Variants in VDR observed in about 807,000 individuals in gnomAD.
VDR encodes vitamin D receptor, also known as vitamin D3 receptor.
VDR carries 19 observed loss-of-function variants against 39.7 expected under a neutral mutation model. That is an observed-to-expected ratio of 0.48 (90% CI 0.33 to 0.70). VDR has a LOEUF of 0.70. Ranked by LOEUF, VDR falls within the 30% of genes least tolerant of loss-of-function variation. The pLI is 0.02. For synonymous variants in VDR, 242 were observed against 215.8 expected (o/e 1.12, Z -1.07); for missense variants, 442 against 570.5 (o/e 0.77, Z 2.29).
chr12:47,893,837 A>G (rs1027853143), intron 1 of VDR, among the ~76,000 whole-genome samples: 3 of 152,266 alleles, frequency 2.0e-5, no homozygotes, highest in African/African-American at 7.2e-5. Flanking sequence ...AGATAGGCAC[A>G]TGCCAGTCCA....
At chr12:47,903,964 C>T (rs1946616131) in intron 1 of VDR, among the ~76,000 whole-genome samples, 1 of 152,124 alleles carries the variant, frequency 6.6e-6, no homozygotes, top group African/African-American at 2.4e-5. Context: ...CAGAGCTGAA[C>T]TCTGCCCAGG....
intron 3 of VDR, among the ~76,000 whole-genome samples, chr12:47,869,377 A>G (rs1188595513): frequency 1.3e-5 from 2 of 151,944 alleles, no homozygotes; most frequent in Admixed American, 6.6e-5. Context: ...TCTACTAAAA[A>G]TGCAAAACAT....
chr12:47,847,075 TG>T (rs2137123794), intron 7 of VDR, among the ~76,000 whole-genome samples: 1 of 152,236 alleles, frequency 6.6e-6, no homozygotes, highest in African/African-American at 2.4e-5. Flanking sequence ...GCCAGAGCTA[TG>T]GGGCACAGGA....
At chr12:47,871,919 T>TAC (rs761980509) in intron 3 of VDR, among the ~76,000 whole-genome samples, 83 of 152,032 alleles carry the variant, frequency 5.5e-4, no homozygotes, top group Non-Finnish European at 1.0e-3. Flanking sequence ...CACACACACA[T>TAC]ACACACACAC....
In VDR at chr12:47,881,119, T is replaced by C. The variant is rs113241964; in HGVS notation, c.-3+1575A>G. Among the ~76,000 whole-genome samples the C allele has an allele frequency of 5.2e-4, 78 of 149,058 alleles. 1 individual carries two copies. The highest frequency in any genetic ancestry group is 1.7e-3 in the South Asian group (8 of 4,756). Reference sequence around the variant, plus strand: ...GTGTGTGTGTGTATATATATATATATACACACACATATACTGTCCTTTTTA... The same window carrying C: ...GTGTGTGTGTGTATATATATATATACACACACACATATACTGTCCTTTTTA... On this transcript the variant is annotated intron_variant, in intron 2 of 9. Transcript: ENST00000549336.
chr12:47,856,622 T>TAAA (rs61388360), intron 6 of VDR, among the ~76,000 whole-genome samples: 2 of 126,150 alleles, frequency 1.6e-5, no homozygotes, highest in African/African-American at 2.8e-5. Context: ...GTGTTTTTTT[T>TAAA]AAAAAAAAAA....
At chr12:47,873,041 T>C (rs954564874) in intron 3 of VDR, among the ~76,000 whole-genome samples, 1 of 152,222 alleles carries the variant, frequency 6.6e-6, no homozygotes, top group African/African-American at 2.4e-5. Flanking sequence ...GGAATCTGAC[T>C]GATATGGTTT....
chr12:47,873,656 C>T (rs1429397943), intron 3 of VDR, among the ~76,000 whole-genome samples: 2 of 152,138 alleles, frequency 1.3e-5, no homozygotes, highest in African/African-American at 2.4e-5. Context: ...CCACCGCGCC[C>T]GGCCACCTGT....
intron 3 of VDR, among the ~76,000 whole-genome samples, chr12:47,875,195 C>A (rs1453615870): frequency 1.3e-5 from 2 of 152,176 alleles, no homozygotes; most frequent in African/African-American, 4.8e-5. Context: ...GTCTTAGACT[C>A]GTTTTGATGA....
rs1338699183 is a variant in VDR, at chr12:47,843,076, A to C, written c.*1670T>G. 4 of 152,178 alleles carry C rather than the reference A, an allele frequency of 2.6e-5. No homozygotes were observed. The highest frequency in any genetic ancestry group is 7.2e-5 in the African/African-American group (3 of 41,450). The allele number at this position is 152,178 out of a possible 1,614,324, so 9.4% of individuals were successfully genotyped here. ...GTATATTAGACTATAATACAAATGG[A>C]GTCTGAGTCTGAAAACAACTCATAT... On this transcript the variant is annotated 3_prime_UTR_variant, in exon 10 of 10. Coordinates refer to ENST00000549336, the MANE Select transcript of VDR (RefSeq NM_000376.3).
At chr12:47,854,692 C>T (rs566518285) in intron 7 of VDR, among the ~76,000 whole-genome samples, 2 of 152,238 alleles carry the variant, frequency 1.3e-5, no homozygotes, top group East Asian at 3.8e-4. Flanking sequence ...CATGCTGGCT[C>T]CAACACCTGG....
chr12:47,857,452 C>T lies in VDR; in HGVS notation c.462+52G>A. 6.2e-6 allele frequency: 10 copies of T among 1,613,488 alleles called. No homozygotes were observed. The South Asian group carries it at 1.1e-4, about 18-fold the overall frequency. ...TGTCCCTACTCCCTGGGCCCTGGCTCCACTAGTGCTTCTCCTCTGGACCGG... is the reference window on the plus strand; with the variant it reads ...TGTCCCTACTCCCTGGGCCCTGGCTTCACTAGTGCTTCTCCTCTGGACCGG... On this transcript the variant is annotated intron_variant, in intron 5 of 9. Transcript: ENST00000549336.
At chr12:47,852,355 C>A (rs1945403510) in intron 7 of VDR, among the ~76,000 whole-genome samples, 1 of 152,206 alleles carries the variant, frequency 6.6e-6, no homozygotes, top group South Asian at 2.1e-4. Flanking sequence ...CAAAACAAGA[C>A]TTTGGAATAT....
At chr12:47,878,040 C>T (rs564592755) in intron 3 of VDR, among the ~76,000 whole-genome samples, 4 of 152,278 alleles carry the variant, frequency 2.6e-5, no homozygotes, top group Non-Finnish European at 4.4e-5. Flanking sequence ...TTCACTGTGC[C>T]CCCAAGGCGA....
At chr12:47,847,954 C>T (rs927390241) in intron 7 of VDR, among the ~76,000 whole-genome samples, 2 of 152,138 alleles carry the variant, frequency 1.3e-5, no homozygotes. Flanking sequence ...GGCTGGAGTG[C>T]AGTGGCGCGA....
chr12:47,856,796 C>G (rs532131384), intron 6 of VDR, among the ~76,000 whole-genome samples: 26 of 152,164 alleles, frequency 1.7e-4, no homozygotes, highest in African/African-American at 5.8e-4. Flanking sequence ...TTCTGAAGGG[C>G]CCAGGATTAA....
intron 6 of VDR, among the ~76,000 whole-genome samples, chr12:47,856,880 A>G (rs2137145046): frequency 6.6e-6 from 1 of 152,354 alleles, no homozygotes; most frequent in South Asian, 2.1e-4. Context: ...AGGAAACAGC[A>G]TGGGCCCGGG....
intron 1 of VDR, among the ~76,000 whole-genome samples, chr12:47,892,821 C>T (rs1199386931): frequency 1.3e-5 from 2 of 152,202 alleles, no homozygotes; most frequent in African/African-American, 2.4e-5. Flanking sequence ...GAGCCTCTGC[C>T]TCATCTTGGT....
intron 1 of VDR, 86 bp downstream of exon 1, chr12:47,904,869 C>A (rs1946641491): frequency 5.9e-6 from 2 of 341,700 alleles, no homozygotes; most frequent in Non-Finnish European, 1.1e-5. Context: ...TGCTCGCAGC[C>A]GGGCGCTCAG....
Sources: allele counts gnomAD v4.1 joint callset (sites outside exome capture counted in the v4.1 genomes callset), GRCh38; gene constraint gnomAD v4.1.1; transcripts MANE v1.5; gene names NCBI Gene and HGNC (gene_info 2026-07-23, HGNC 2026-07-21).